RNLS: variants seen among roughly 807,000 people sequenced by gnomAD.
RNLS encodes the protein renalase.
In RNLS, 39 loss-of-function variants were observed where a neutral mutation model predicts 39.8. The observed-to-expected ratio is 0.98, with a 90% CI of 0.76 to 1.28. The LOEUF is 1.28. RNLS is among the 50% of genes most tolerant of loss of function. The pLI is 0.00. For synonymous variants in RNLS, 147 were observed against 150.7 expected (o/e 0.98, Z 0.18); for missense variants, 410 against 413.3 (o/e 0.99, Z 0.07).
At chr10:88,471,689 A>G (rs1843537205) in intron 4 of RNLS, among the ~76,000 whole-genome samples, 1 of 152,196 alleles carries the variant, frequency 6.6e-6, no homozygotes, top group Non-Finnish European at 1.5e-5. Context: ...GCAGATTAAA[A>G]TTAGCAAAGG....
At chr10:88,215,506 C>G in the RNLS span, among the ~76,000 whole-genome samples, 4 of 152,202 alleles carry the variant, frequency 2.6e-5, no homozygotes, top group East Asian at 7.7e-4. Context: ...TTGGGAAGTC[C>G]TTTTCCCTAG....
intron 4 of RNLS, among the ~76,000 whole-genome samples, chr10:88,430,189 T>C (rs988088827): frequency 1.1e-4 from 17 of 151,922 alleles, no homozygotes; most frequent in African/African-American, 4.1e-4. Flanking sequence ...TAATGTTTTA[T>C]AGTTTTCCAT....
At chr10:88,491,311 G>C (rs1292187452) in intron 4 of RNLS, among the ~76,000 whole-genome samples, 1 of 152,116 alleles carries the variant, frequency 6.6e-6, no homozygotes, top group African/African-American at 2.4e-5. Flanking sequence ...CATTATTTCG[G>C]GATAAGAGTA....
At chr10:88,505,644 T>C (rs1337071628) in intron 4 of RNLS, among the ~76,000 whole-genome samples, 1 of 152,122 alleles carries the variant, frequency 6.6e-6, no homozygotes, top group Non-Finnish European at 1.5e-5. Context: ...ACCTGGTTGT[T>C]AAGGAACAGA....
the RNLS span, among the ~76,000 whole-genome samples, chr10:88,235,792 G>C: frequency 6.6e-6 from 1 of 151,918 alleles, no homozygotes; most frequent in Non-Finnish European, 1.5e-5. Context: ...TATAGACAGA[G>C]AGAGATAGAG....
intron 6 of RNLS, among the ~76,000 whole-genome samples, chr10:88,291,947 C>CAACCA (rs1201300699): frequency 7.2e-5 from 11 of 152,116 alleles, no homozygotes; most frequent in African/African-American, 2.7e-4. Context: ...GTTTTAGCTA[C>CAACCA]AACCATAGTT....
the RNLS span, among the ~76,000 whole-genome samples, chr10:88,234,537 C>G: frequency 6.6e-6 from 1 of 152,182 alleles, no homozygotes; most frequent in East Asian, 1.9e-4. Flanking sequence ...GCAGTGAATA[C>G]AAGGACCTAT....
intron 5 of RNLS, among the ~76,000 whole-genome samples, chr10:88,355,775 G>A (rs189723119): frequency 3.4e-4 from 52 of 152,334 alleles, no homozygotes; most frequent in African/African-American, 1.1e-3. Flanking sequence ...AGAGGTTTCT[G>A]CTGCCTTTTG....
chr10:88,314,727 T>G (rs978671620), intron 5 of RNLS, 86 bp from the exon 6 acceptor site: 2 of 1,141,034 alleles, frequency 1.8e-6, no homozygotes, highest in South Asian at 3.6e-5. Flanking sequence ...ACTTAAGAAC[T>G]GATCACAATA....
intron 4 of RNLS, among the ~76,000 whole-genome samples, chr10:88,373,626 A>C (rs1027435914): frequency 2.6e-5 from 4 of 152,224 alleles, no homozygotes; most frequent in African/African-American, 9.6e-5. Flanking sequence ...TCTTCATATC[A>C]GCCTACCATT....
chr10:88,276,444 C>T (rs1489481326), intron 6 of RNLS, among the ~76,000 whole-genome samples: 1 of 151,882 alleles, frequency 6.6e-6, no homozygotes, highest in Non-Finnish European at 1.5e-5. Flanking sequence ...CCCTTTAATC[C>T]ATCTGGAAAT....
the RNLS span, among the ~76,000 whole-genome samples, chr10:88,224,310 A>T: frequency 1.3e-5 from 2 of 152,060 alleles, no homozygotes; most frequent in African/African-American, 4.8e-5. Context: ...TTTCATCTTA[A>T]CCACCTCCTA....
intron 5 of RNLS, among the ~76,000 whole-genome samples, chr10:88,341,889 A>G (rs1226669218): frequency 6.6e-6 from 1 of 152,188 alleles, no homozygotes; most frequent in Non-Finnish European, 1.5e-5. Context: ...CCTTAATATT[A>G]GGAAATATAT....
chr10:88,213,616 T>C, the RNLS span, among the ~76,000 whole-genome samples: 1 of 152,120 alleles, frequency 6.6e-6, no homozygotes, highest in Non-Finnish European at 1.5e-5. Flanking sequence ...CATCTTGAAT[T>C]CAGACACTTT....
intron 4 of RNLS, among the ~76,000 whole-genome samples, chr10:88,547,546 G>C (rs190323394): frequency 4.9e-4 from 74 of 152,258 alleles, no homozygotes; most frequent in Admixed American, 2.0e-3. Flanking sequence ...GGTTTTTCTA[G>C]TTATGGGTAG....
downstream of RNLS, among the ~76,000 whole-genome samples, chr10:88,271,248 C>T (rs1041052204): frequency 6.6e-6 from 1 of 152,214 alleles, no homozygotes; most frequent in Non-Finnish European, 1.5e-5. Flanking sequence ...CTCTGTCCTT[C>T]ACTGATGAGC....
intron 4 of RNLS, among the ~76,000 whole-genome samples, chr10:88,393,360 C>T (rs1852335951): frequency 6.6e-6 from 1 of 151,992 alleles, no homozygotes; most frequent in Admixed American, 6.6e-5. Context: ...GATACAAAAT[C>T]AATGTACAAA....
the RNLS span, among the ~76,000 whole-genome samples, chr10:88,243,018 CCA>C: frequency 1.2e-4 from 18 of 152,092 alleles, no homozygotes; most frequent in African/African-American, 4.1e-4. Context: ...GATACCAGCT[CCA>C]CAGTTAGACT....
At chr10:88,461,202 T>G (rs1842917340) in intron 4 of RNLS, among the ~76,000 whole-genome samples, 1 of 152,062 alleles carries the variant, frequency 6.6e-6, no homozygotes, top group Non-Finnish European at 1.5e-5. Context: ...TCAAGTTATG[T>G]CCTCAAGGCT....
Sources: gnomAD v4.1 joint callset for allele counts (sites outside exome capture counted in the v4.1 genomes callset) on GRCh38, gnomAD v4.1.1 for gene constraint, MANE v1.5 for transcripts, NCBI Gene and HGNC (gene_info 2026-07-23, HGNC 2026-07-21) for gene names.